The following SOX6 variants were observed in gnomAD, a reference collection of about 807,000 sequenced individuals.
SOX6 encodes SRY-box transcription factor 6.
SOX6 carries 11 observed loss-of-function variants against 97.8 expected under a neutral mutation model. The ratio of observed to expected loss-of-function variants is 0.11; its 90% CI spans 0.07 to 0.19. SOX6 has a LOEUF of 0.19. Ranked by LOEUF, SOX6 falls within the 10% of genes least tolerant of loss-of-function variation. The pLI is 1.00. For synonymous variants in SOX6, 360 were observed against 371.4 expected (o/e 0.97, Z 0.35); for missense variants, 810 against 1,039.5 (o/e 0.78, Z 3.04).
intron 6 of SOX6, among the ~76,000 whole-genome samples, chr11:16,132,433 G>GAAA (rs1229559971): frequency 3.5e-3 from 279 of 80,514 alleles, no homozygotes; most frequent in Admixed American, 6.9e-3. Flanking sequence ...AAGAAAGAAA[G>GAAA]AAAGAAAGAA....
intron 4 of SOX6, among the ~76,000 whole-genome samples, chr11:16,506,763 G>T (rs1164239185): frequency 6.6e-6 from 1 of 152,124 alleles, no homozygotes; most frequent in Non-Finnish European, 1.5e-5. Context: ...AGATCTGCTT[G>T]TTTAAAAGTG....
chr11:16,514,964 G>A (rs1266670183), intron 4 of SOX6, among the ~76,000 whole-genome samples: 1 of 151,912 alleles, frequency 6.6e-6, no homozygotes, highest in Non-Finnish European at 1.5e-5. Context: ...CACTTGGGTT[G>A]GTTCCAAGTC....
At chr11:16,534,342 T>A (rs72875216) in intron 4 of SOX6, among the ~76,000 whole-genome samples, 14,849 of 152,136 alleles carry the variant, frequency 0.098, 835 homozygotes, top group Non-Finnish European at 0.14. Flanking sequence ...TAACACTGAT[T>A]TTTTTAATAG....
intron 3 of SOX6, 187 bp downstream of exon 3, chr11:16,318,259 G>A (rs563744875): frequency 3.2e-6 from 2 of 631,840 alleles, no homozygotes; most frequent in Non-Finnish European, 5.5e-6. Flanking sequence ...GAAAAACGGA[G>A]CTATCTGTTT....
intron 3 of SOX6, among the ~76,000 whole-genome samples, chr11:16,295,151 G>A (rs1348798811): frequency 6.6e-6 from 1 of 152,026 alleles, no homozygotes; most frequent in African/African-American, 2.4e-5. Flanking sequence ...GGAATTGAGA[G>A]AAACTATTAA....
At chr11:16,052,554 T>A (rs1847712552) in intron 10 of SOX6, among the ~76,000 whole-genome samples, 1 of 152,188 alleles carries the variant, frequency 6.6e-6, no homozygotes, top group Admixed American at 6.5e-5. Context: ...CTACTAATTC[T>A]ATCATCTGTG....
At chr11:16,639,167 A>G (rs1388411179) in intron 3 of SOX6, among the ~76,000 whole-genome samples, 1 of 152,232 alleles carries the variant, frequency 6.6e-6, no homozygotes, top group African/African-American at 2.4e-5. Flanking sequence ...TTTGTTAAAT[A>G]GGGAATCCTT....
intron 3 of SOX6, among the ~76,000 whole-genome samples, chr11:16,679,501 G>A (rs1445288088): frequency 6.6e-6 from 1 of 152,190 alleles, no homozygotes; most frequent in Non-Finnish European, 1.5e-5. Context: ...AACCCACAAA[G>A]GTGGGGAGAA....
intron 3 of SOX6, among the ~76,000 whole-genome samples, chr11:16,302,429 G>T (rs1343262386): frequency 6.6e-6 from 1 of 151,660 alleles, no homozygotes; most frequent in Non-Finnish European, 1.5e-5. Flanking sequence ...TCTCTACCTG[G>T]GATTCCATTA....
intron 4 of SOX6, among the ~76,000 whole-genome samples, chr11:16,190,029 A>G (rs1851587482): frequency 6.6e-6 from 1 of 152,182 alleles, no homozygotes; most frequent in Non-Finnish European, 1.5e-5. Context: ...CAGAGAGGCT[A>G]AAGATAATAC....
chr11:16,596,834 T>A (rs1848217281), intron 4 of SOX6, among the ~76,000 whole-genome samples: 1 of 152,202 alleles, frequency 6.6e-6, no homozygotes, highest in Non-Finnish European at 1.5e-5. Flanking sequence ...TTTGTATTAA[T>A]CAAAGACATA....
chr11:15,984,689 T>A (rs1394254870), intron 15 of SOX6, among the ~76,000 whole-genome samples: 2 of 152,224 alleles, frequency 1.3e-5, no homozygotes, highest in Admixed American at 1.3e-4. Flanking sequence ...TTTTGTCATG[T>A]CTTCATTTAT....
chr11:16,328,810 G>A (rs1425603422), intron 2 of SOX6, among the ~76,000 whole-genome samples: 1 of 152,020 alleles, frequency 6.6e-6, no homozygotes, highest in Non-Finnish European at 1.5e-5. Flanking sequence ...ATATGCTGAA[G>A]ACTAAATTGC....
At chr11:16,113,029 C>G (rs772274370) in intron 6 of SOX6, among the ~76,000 whole-genome samples, 4 of 152,114 alleles carry the variant, frequency 2.6e-5, no homozygotes, top group Non-Finnish European at 4.4e-5. Context: ...AACCCCAAAC[C>G]CTTCCCTGTC....
At chr11:16,415,428 T>C (rs183925458) in intron 1 of SOX6, among the ~76,000 whole-genome samples, 3 of 152,132 alleles carry the variant, frequency 2.0e-5, no homozygotes, top group East Asian at 3.9e-4. Context: ...GGTTAAAAGA[T>C]ACAAAATTAC....
chr11:16,059,505 TA>T (rs1056655394), intron 9 of SOX6, among the ~76,000 whole-genome samples: 28 of 151,614 alleles, frequency 1.8e-4, no homozygotes, highest in Non-Finnish European at 3.5e-4. Flanking sequence ...GATGGACAAA[TA>T]AAAAAAATTA....
At chr11:16,699,321 G>C (rs1175053777) in intron 3 of SOX6, among the ~76,000 whole-genome samples, 1 of 152,054 alleles carries the variant, frequency 6.6e-6, no homozygotes, top group Non-Finnish European at 1.5e-5. Context: ...AGGGAACCAA[G>C]ATTCAAACCC....
intron 15 of SOX6, among the ~76,000 whole-genome samples, chr11:15,985,454 C>T (rs565980054): frequency 6.6e-6 from 1 of 152,274 alleles, no homozygotes; most frequent in African/African-American, 2.4e-5. Flanking sequence ...GGATTTGCCA[C>T]CCTGCTGTGC....
intron 3 of SOX6, among the ~76,000 whole-genome samples, chr11:16,671,820 A>T (rs1847849688): frequency 6.6e-6 from 1 of 152,242 alleles, no homozygotes; most frequent in Admixed American, 6.5e-5. Context: ...ATTCTACACA[A>T]GAATATCATC....
Sources: allele counts gnomAD v4.1 joint callset (sites outside exome capture counted in the v4.1 genomes callset), GRCh38; gene constraint gnomAD v4.1.1; transcripts MANE v1.5; gene names NCBI Gene and HGNC (gene_info 2026-07-23, HGNC 2026-07-21).